OR2L3: variants seen among roughly 807,000 people sequenced by gnomAD.
OR2L3 encodes olfactory receptor family 2 subfamily L member 3.
For synonymous variants in OR2L3, 131 were observed against 139.1 expected, an observed-to-expected ratio of 0.94 and a Z score of 0.41; for missense variants, 369 against 376.6, an observed-to-expected ratio of 0.98 and a Z score of 0.17.
chr1:248,046,885 T>C lies in OR2L3; in HGVS notation c.-22+5T>C, dbSNP rs369883889. 6.6e-6 allele frequency: 1 copy of C among 152,208 alleles called. No homozygotes were observed. The highest frequency in any genetic ancestry group is 2.4e-5 in the African/African-American group (1 of 41,460). The allele number at this position is 152,208 out of a possible 1,614,324, so 9.4% of individuals were successfully genotyped here. ...GGAAATGAGGAAATAATAAAGGTAC[T>C]AATTATAATTGTATTTTTAAATTTT... On this transcript the variant is annotated splice_donor_5th_base_variant and intron_variant, in intron 1 of 1. Transcript: ENST00000359959.
intron 1 of OR2L3, chr1:248,051,352 A>G (rs1663259538): frequency 6.6e-6 from 1 of 152,232 alleles, no homozygotes; most frequent in South Asian, 2.1e-4. Context: ...CTTCGCTTTT[A>G]AAAATTGTAT....
chr1:248,057,432 G>T (rs1312661685), intron 1 of OR2L3, among the ~76,000 whole-genome samples: 1 of 152,072 alleles, frequency 6.6e-6, no homozygotes, highest in African/African-American at 2.4e-5. Context: ...TTTAAAATCT[G>T]TTTTGTCAGA....
Position 248,053,753 on chromosome 1 carries a change from C to CT in OR2L3, c.-22+6881dup, listed in dbSNP as rs924644819. Reference sequence around the variant, plus strand: ...ATATGTTTGTTGGCCATACCTATGTCTTTTTTTTGAGAAATGTCTTTTCAT... The same window carrying CT: ...ATATGTTTGTTGGCCATACCTATGTCTTTTTTTTTGAGAAATGTCTTTTCAT... On this transcript the variant is annotated intron_variant, in intron 1 of 1. Transcript: ENST00000359959. 1.4e-4 allele frequency among the ~76,000 whole-genome samples: 21 copies of CT among 152,006 alleles called. 1 individual carries two copies. The South Asian group carries it at 1.9e-3, about 14-fold the overall frequency.
At chr1:248,049,243 T>C (rs2103108741) in intron 1 of OR2L3, among the ~76,000 whole-genome samples, 1 of 152,270 alleles carries the variant, frequency 6.6e-6, no homozygotes, top group Non-Finnish European at 1.5e-5. Flanking sequence ...ATCTTTGTCT[T>C]CTCTGAGTAT....
chr1:248,060,135 A>G (rs942317038), intron 1 of OR2L3, among the ~76,000 whole-genome samples: 1 of 152,192 alleles, frequency 6.6e-6, no homozygotes, highest in Non-Finnish European at 1.5e-5. Context: ...ATGCATTTAT[A>G]CTGACTTTCT....
chr1:248,060,923 C>A lies in OR2L3; in HGVS notation c.242C>A (p.Ala81Glu). ...ATCTCCACCATTGTTCCTAAGATGGCATCTGATTTTCTGTCTGGTAACAAG... is the reference window on the plus strand; with the variant it reads ...ATCTCCACCATTGTTCCTAAGATGGAATCTGATTTTCTGTCTGGTAACAAG... ...NYISTIVPKM[A>E]SDFLSGNKSI... The change falls in exon 2 of 2, where the codon GCA becomes GAA. Residue 81 changes from alanine to glutamate, a missense_variant. By Grantham distance (107) the Ala-to-Glu change is moderately radical (BLOSUM62 -1). Coordinates refer to ENST00000359959, the MANE Select transcript of OR2L3 (RefSeq NM_001004687.2). 1 of 1,613,932 alleles carries A rather than the reference C, an allele frequency of 6.2e-7. No individual in the cohort carries two copies. The highest frequency in any genetic ancestry group is 8.5e-7 in the Non-Finnish European group (1 of 1,179,874).
chr1:248,060,735 A>T lies in OR2L3; in HGVS notation c.54A>T (p.Pro18=), dbSNP rs1472304798. The T allele has an allele frequency of 6.2e-7, 1 of 1,613,966 alleles. No homozygotes were observed. Among genetic ancestry groups the T allele is most frequent in the African/African-American group, 1.3e-5 (1 of 74,924 alleles). ...ATTTCATCTTATTAGGATTCTTCCC[A>T]CCATCAAGAATTGGCCTTTTCCTCT... ...STDFILLGFF[P]PSRIGLFLFI... is the part of the protein sequence containing the mutation. The change falls in exon 2 of 2, where the codon CCA becomes CCT. Residue 18 remains proline (P), a synonymous_variant. Coordinates refer to ENST00000359959, the MANE Select transcript of OR2L3 (RefSeq NM_001004687.2).
rs140690847 is a variant in OR2L3 at position 248,061,493 on chromosome 1, A to G, written c.812A>G (p.Lys271Arg). 214 of 1,613,942 alleles carry G rather than the reference A, an allele frequency of 1.3e-4. No individual in the cohort carries two copies. The African/African-American group carries it at 2.5e-3, about 19-fold the overall frequency. ...PRSLRSPTED[K>R]VLAVFYTTLT... is the part of the protein sequence containing the mutation. The stretch of plus-strand genomic sequence containing the variant: ...TCCCTGCGATCTCCAACAGAGGACA[A>G]GGTTCTGGCTGTCTTCTACACCACC... The change falls in exon 2 of 2, where the codon AAG becomes AGG. Residue 271 changes from lysine (K) to arginine (R), a missense_variant. Physicochemically the swap from Lys to Arg is conservative, Grantham distance 26. Coordinates refer to ENST00000359959, the MANE Select transcript of OR2L3 (RefSeq NM_001004687.2).
In OR2L3 at chr1:248,060,885, T is replaced by A; in HGVS notation, c.204T>A (p.Ile68=). 1 of 1,613,934 alleles carries A rather than the reference T, an allele frequency of 6.2e-7. No homozygotes were observed. The change falls in exon 2 of 2, where the codon ATT becomes ATA. Residue 68 remains isoleucine (I), a synonymous_variant. Transcript: ENST00000359959. The part of the protein sequence containing the change: ...MYFLLSQLSL[I]DLNYISTIVP... ...TCCTACTTAGTCAGCTCTCCCTCAT[T>A]GACCTAAATTACATCTCCACCATTG...
In OR2L3 at chr1:248,061,540, A is replaced by G. The variant is rs778138430; in HGVS notation, c.859A>G (p.Ile287Val). 1.9e-6 allele frequency: 3 copies of G among 1,613,716 alleles called. No individual in the cohort carries two copies. The highest frequency in any genetic ancestry group is 2.2e-5 in the East Asian group (1 of 44,880). The part of the protein sequence containing the change: ...YTTLTPMLNP[I>V]IYSLRNKEVM... ...CACCCTCACTCCAATGCTCAACCCC[A>G]TCATCTATAGCCTGAGGAACAAGGA... The change falls in exon 2 of 2, where the codon ATC becomes GTC. Residue 287 changes from isoleucine to valine, a missense_variant. Transcript: ENST00000359959.
chr1:248,057,506 CTTTAT>C (rs951868922), intron 1 of OR2L3, among the ~76,000 whole-genome samples: 14 of 152,004 alleles, frequency 9.2e-5, no homozygotes, highest in African/African-American at 2.7e-4. Context: ...TTCTCTATTC[CTTTAT>C]TTTGAGTCTG....
chr1:248,057,719 T>A (rs1663478745), intron 1 of OR2L3, among the ~76,000 whole-genome samples: 1 of 152,136 alleles, frequency 6.6e-6, no homozygotes, highest in Admixed American at 6.5e-5. Context: ...AACTCCTTGG[T>A]TAGGTTTATT....
intron 1 of OR2L3, among the ~76,000 whole-genome samples, chr1:248,058,307 G>C (rs910983627): frequency 1.3e-5 from 2 of 152,052 alleles, no homozygotes; most frequent in African/African-American, 4.8e-5. Flanking sequence ...GATAATGCTT[G>C]ATTTTCTATA....
chr1:248,047,896 T>A (rs1663131139), intron 1 of OR2L3, among the ~76,000 whole-genome samples: 1 of 152,198 alleles, frequency 6.6e-6, no homozygotes, highest in African/African-American at 2.4e-5. Flanking sequence ...AGTCACTATG[T>A]CACAGCTTCT....
chr1:248,046,908 T>G (rs1463240636), intron 1 of OR2L3, 28 bp downstream of exon 1: 1 of 152,168 alleles, frequency 6.6e-6, no homozygotes, highest in Non-Finnish European at 1.5e-5. Flanking sequence ...ATTTTTAAAT[T>G]TTTATTGATT....
At chr1:248,047,984 T>C (rs1035866151) in intron 1 of OR2L3, among the ~76,000 whole-genome samples, 1 of 152,220 alleles carries the variant, frequency 6.6e-6, no homozygotes, top group Admixed American at 6.5e-5. Context: ...CTTACATTTT[T>C]AGTAATTGTA....
Position 248,059,770 on chromosome 1 carries a change from T to TG in OR2L3, c.-21-887dup, listed in dbSNP as rs1045695656. ...TCTGGCAGAATAAACATGGGTTGGG[T>TG]GGGGAAGCTCATGACTGCACTCCCA... On this transcript the variant is annotated intron_variant, in intron 1 of 1. Coordinates refer to ENST00000359959, the MANE Select transcript of OR2L3 (RefSeq NM_001004687.2). 3.7e-4 allele frequency among the ~76,000 whole-genome samples: 57 copies of TG among 152,250 alleles called. 1 individual carries two copies. Among genetic ancestry groups the TG allele is most frequent in the East Asian group, 2.9e-3 (15 of 5,174 alleles).
intron 1 of OR2L3, among the ~76,000 whole-genome samples, chr1:248,048,938 G>A (rs375934984): frequency 3.1e-5 from 3 of 97,336 alleles, no homozygotes; most frequent in Admixed American, 9.3e-5. Flanking sequence ...TTTTTTTTTT[G>A]GTAAATCCAC....
chr1:248,060,030 C>A (rs1424596296), intron 1 of OR2L3, among the ~76,000 whole-genome samples: 2 of 144,916 alleles, frequency 1.4e-5, no homozygotes. Context: ...CAGAGAGAGA[C>A]CCTGTCACTC....
Sources: allele counts gnomAD v4.1 joint callset (sites outside exome capture counted in the v4.1 genomes callset), GRCh38; gene constraint gnomAD v4.1.1; transcripts MANE v1.5; gene names NCBI Gene and HGNC (gene_info 2026-07-23, HGNC 2026-07-21).